The following FAF2 variants were observed in gnomAD, a reference collection of about 807,000 sequenced individuals.
FAF2 encodes the protein FAS-associated factor 2.
In FAF2, 9 loss-of-function variants were observed where a neutral mutation model predicts 62.3. That is an observed-to-expected ratio of 0.14 (90% CI 0.09 to 0.25). FAF2 has a LOEUF of 0.25. Ranked by LOEUF, FAF2 falls within the 10% of genes least tolerant of loss-of-function variation. The pLI is 1.00. For missense variants in FAF2, 368 were observed against 556.2 expected (o/e 0.66, Z 3.40); for synonymous variants, 202 against 198.0 (o/e 1.02, Z -0.17).
chr5:176,485,060 T>C (rs1235961302), intron 2 of FAF2, among the ~76,000 whole-genome samples: 8 of 152,204 alleles, frequency 5.3e-5, no homozygotes, highest in Non-Finnish European at 1.2e-4. Flanking sequence ...CCACAGTGCA[T>C]GATAAGTGCA....
intron 10 of FAF2, among the ~76,000 whole-genome samples, chr5:176,503,651 C>T (rs1359880325): frequency 6.6e-6 from 1 of 151,928 alleles, no homozygotes; most frequent in Non-Finnish European, 1.5e-5. Flanking sequence ...TAATGCTCAG[C>T]TCTGGAAAGT....
intron 1 of FAF2, among the ~76,000 whole-genome samples, chr5:176,459,297 T>C (rs149097621): frequency 0.049 from 7,403 of 149,774 alleles, 649 homozygotes; most frequent in African/African-American, 0.17. Flanking sequence ...CTCACTCTGT[T>C]GCCCAGGCTG....
intron 1 of FAF2, among the ~76,000 whole-genome samples, chr5:176,454,044 A>G (rs1375968070): frequency 6.8e-6 from 1 of 146,050 alleles, no homozygotes; most frequent in Non-Finnish European, 1.5e-5. Flanking sequence ...CAAGAGCGAG[A>G]CTCTAAAAAA....
chr5:176,460,648 A>G (rs1368858290), intron 1 of FAF2, among the ~76,000 whole-genome samples: 1 of 150,838 alleles, frequency 6.6e-6, no homozygotes, highest in East Asian at 2.0e-4. Context: ...TGGCCCTGTA[A>G]ATGTCTTTTG....
intron 9 of FAF2, 121 bp from the exon 10 acceptor site, chr5:176,499,880 TGA>T (rs1755565841): frequency 8.8e-7 from 1 of 1,141,898 alleles, no homozygotes. Flanking sequence ...TGACTATTCC[TGA>T]GAGGTTTTTC....
chr5:176,451,372 A>G (rs1758165759), intron 1 of FAF2, among the ~76,000 whole-genome samples: 1 of 151,772 alleles, frequency 6.6e-6, no homozygotes, highest in Non-Finnish European at 1.5e-5. Flanking sequence ...CTCTGTCTCA[A>G]AAAAAAAATT....
intron 2 of FAF2, among the ~76,000 whole-genome samples, chr5:176,482,590 C>T (rs997557813): frequency 3.5e-4 from 53 of 152,176 alleles, no homozygotes; most frequent in Non-Finnish European, 5.3e-4. Context: ...CTAACTGCAG[C>T]CTTGACCTCC....
intron 10 of FAF2, among the ~76,000 whole-genome samples, chr5:176,501,191 C>T (rs1755586585): frequency 6.6e-6 from 1 of 152,002 alleles, no homozygotes; most frequent in Non-Finnish European, 1.5e-5. Context: ...AAATTCTTAA[C>T]ATTGTGCCTG....
At chr5:176,493,339 A>T (rs1396728967) in intron 5 of FAF2, among the ~76,000 whole-genome samples, 1 of 152,220 alleles carries the variant, frequency 6.6e-6, no homozygotes, top group Non-Finnish European at 1.5e-5. Flanking sequence ...GATGAGTGAG[A>T]TGAGCACCTC....
In FAF2 at chr5:176,506,769, T is replaced by C; in HGVS notation, c.1157T>C (p.Val386Ala). The change falls in exon 11 of 11, where the codon GTA becomes GCA. Residue 386 changes from valine (V) to alanine (A), a missense_variant and splice_region_variant. Val to Ala is a moderately conservative substitution (Grantham distance 64). Transcript: ENST00000261942. ...RRFHFSQSLT[V>A]IHDFLFSLKE... ...TCTTTTTCTATATGACCTCTGCAGG[T>C]AATCCACGACTTCTTATTCTCCTTG... 1 of 1,613,280 alleles carries C rather than the reference T, an allele frequency of 6.2e-7. No individual in the cohort carries two copies. Among genetic ancestry groups the C allele is most frequent in the South Asian group, 1.1e-5 (1 of 90,998 alleles).
chr5:176,461,463 G>A (rs753055019), intron 1 of FAF2, among the ~76,000 whole-genome samples: 2 of 151,454 alleles, frequency 1.3e-5, no homozygotes, highest in Admixed American at 6.6e-5. Context: ...GACTACAGGT[G>A]TACACCACCA....
chr5:176,466,457 C>T (rs886662198), intron 1 of FAF2, among the ~76,000 whole-genome samples: 2 of 152,170 alleles, frequency 1.3e-5, no homozygotes, highest in African/African-American at 4.8e-5. Flanking sequence ...TTCACACCAA[C>T]CCCGTGCAGC....
At chr5:176,452,108 G>A (rs902739842) in intron 1 of FAF2, among the ~76,000 whole-genome samples, 1 of 150,056 alleles carries the variant, frequency 6.7e-6, no homozygotes. Context: ...CCCTGGCTGG[G>A]GTGCAGTGGT....
In FAF2 at chr5:176,492,204, C is replaced by T. The variant is rs151193681; in HGVS notation, c.355C>T (p.Arg119Cys). The T allele has an allele frequency of 6.8e-5, 109 of 1,614,040 alleles. 1 individual carries two copies. Among genetic ancestry groups the T allele is most frequent in the Non-Finnish European group, 8.8e-5 (104 of 1,180,044 alleles). The change falls in exon 5 of 11, where the codon CGT (arginine) becomes TGT (cysteine). Residue 119 changes from arginine (R) to cysteine (C), a missense_variant. This residue lies in a region of FAF2 where 331 missense variants were observed against 441.9 expected (regional missense o/e 0.75). Transcript: ENST00000261942. ...TTCCTTCCTCCCCAGGTTTGCTCTT[C>T]GTTTTATACGGCCTGACCCTCGCAG... ...TILDIFRFAL[R>C]FIRPDPRSRV... is the part of the protein sequence containing the mutation.
At chr5:176,503,889 C>T (rs765431505) in intron 10 of FAF2, among the ~76,000 whole-genome samples, 44 of 152,210 alleles carry the variant, frequency 2.9e-4, no homozygotes, top group Admixed American at 4.6e-4. Flanking sequence ...CGGCCGAGTG[C>T]GGTGGCTCAT....
In FAF2 at chr5:176,494,026, C is replaced by T. The variant is rs370200300; in HGVS notation, c.511C>T (p.Arg171Cys). 137 of 1,613,812 alleles carry T rather than the reference C, an allele frequency of 8.5e-5. No homozygotes were observed. The highest frequency in any genetic ancestry group is 1.6e-4 in the Middle Eastern group (1 of 6,062). Residue 171 changes from arginine to cysteine, a missense_variant, in exon 6 of 11, where the codon CGC (arginine) becomes TGC (cysteine). Around this residue, in one of 2 missense-constraint regions of FAF2, gnomAD observed 331 missense variants for 441.9 expected, o/e 0.75. Coordinates refer to ENST00000261942, the MANE Select transcript of FAF2 (RefSeq NM_014613.3). This position sits in a 1 kb window ranked among gnomAD's most constrained non-coding sequence, Gnocchi z 4.0. ...ACTTAACGATGCCAAAAGGGAGCTTCGCTTTCTTTTGGTTTATCTTCATGG... is the reference window on the plus strand; with the variant it reads ...ACTTAACGATGCCAAAAGGGAGCTTTGCTTTCTTTTGGTTTATCTTCATGG... ...QALNDAKRELRFLLVYLHGDD... is the reference protein window; with the variant it reads ...QALNDAKRELCFLLVYLHGDD...
Position 176,499,084 on chromosome 5 carries a change from A to G in FAF2, c.1010A>G (p.Gln337Arg), listed in dbSNP as rs1266751651. Residue 337 changes from glutamine (Q) to arginine (R), a missense_variant and splice_region_variant, in exon 9 of 11, where the codon CAG (glutamine) becomes CGG (arginine). Coordinates refer to ENST00000261942, the MANE Select transcript of FAF2 (RefSeq NM_014613.3). ...AAGTTGGCAGAGGAGAGACGGCGGC[A>G]GGTAATGGACGTGTGGCTTTACTCC... is the stretch of plus-strand genomic sequence containing the variant. ...QQKLAEERRR[Q>R]NLQEEKERKL... 6 of 1,576,476 alleles carry G rather than the reference A, an allele frequency of 3.8e-6. No individual in the cohort carries two copies. The highest frequency in any genetic ancestry group is 1.8e-4 in the Middle Eastern group (1 of 5,528).
intron 1 of FAF2, among the ~76,000 whole-genome samples, chr5:176,470,056 T>G (rs1421569094): frequency 1.3e-5 from 2 of 152,308 alleles, no homozygotes; most frequent in East Asian, 3.9e-4. Context: ...GAATGGATTT[T>G]CCTCAGCATG....
At chr5:176,451,886 ATATATATTTTTTTTTTTT>A (rs1758190069) in intron 1 of FAF2, among the ~76,000 whole-genome samples, 7 of 29,254 alleles carry the variant, frequency 2.4e-4, no homozygotes, top group East Asian at 8.4e-4. Context: ...ATATATATAT[ATATATATTTTTTTTTTTT>A]TTTTTTTTTT....
Sources: allele counts gnomAD v4.1 joint callset (sites outside exome capture counted in the v4.1 genomes callset), GRCh38; gene constraint gnomAD v4.1.1; regional missense constraint gnomAD v4.1.1; non-coding constraint Gnocchi (gnomAD v3.1); transcripts MANE v1.5; gene names NCBI Gene and HGNC (gene_info 2026-07-23, HGNC 2026-07-21).